GLT1D1: variants seen among roughly 807,000 people sequenced by gnomAD.
GLT1D1 encodes glycosyltransferase 1 domain containing 1, also known as glycosyltransferase 1 domain-containing protein 1.
A neutral mutation model predicts 28.7 loss-of-function variants in GLT1D1; 21 were observed. The observed-to-expected ratio is 0.73, with a 90% confidence interval of 0.52 to 1.05. The LOEUF is 1.05. Among genes scored for constraint, GLT1D1 ranks in the 50% least tolerant of loss-of-function variants. GLT1D1 has a pLI of 0.00. For synonymous variants in GLT1D1, 147 were observed against 124.8 expected (o/e 1.18, Z -1.19); for missense variants, 343 against 330.6 (o/e 1.04, Z -0.29).
intron 3 of GLT1D1, 139 bp from the exon 4 acceptor site, chr12:128,899,097 C>A (rs1267741003): frequency 3.0e-6 from 2 of 664,462 alleles, no homozygotes; most frequent in East Asian, 2.7e-5. Flanking sequence ...TGGCCAATGA[C>A]CACAAGTAAT....
intron 1 of GLT1D1, among the ~76,000 whole-genome samples, chr12:128,859,166 A>G (rs1318633516): frequency 6.6e-6 from 1 of 152,186 alleles, no homozygotes; most frequent in East Asian, 1.9e-4. Flanking sequence ...CTCAGAATAA[A>G]TCTCTTAATA....
chr12:128,874,090 TTCTTTCTTTCTCTCTC>T (rs1227269219), intron 1 of GLT1D1, among the ~76,000 whole-genome samples: 2 of 25,352 alleles, frequency 7.9e-5, no homozygotes, highest in Non-Finnish European at 1.4e-4. Flanking sequence ...CTTTCTTTCT[TTCTTTCTTTCTCTCTC>T]TCTCTCTCTC....
intron 4 of GLT1D1, among the ~76,000 whole-genome samples, chr12:128,907,855 T>C (rs1871047331): frequency 6.6e-6 from 1 of 152,212 alleles, no homozygotes; most frequent in South Asian, 2.1e-4. Flanking sequence ...CAAGTATTGT[T>C]TGTAATTCAT....
intron 3 of GLT1D1, among the ~76,000 whole-genome samples, chr12:128,888,980 T>C (rs571899231): frequency 5.9e-5 from 9 of 152,264 alleles, no homozygotes; most frequent in African/African-American, 2.2e-4. Flanking sequence ...TAAGCCTCTT[T>C]AGAATGGTCT....
At position 128,912,498 on chromosome 12, in the gene GLT1D1, G is replaced by T. The variant is rs773856215; in HGVS notation, c.375+13211G>T. On this transcript the variant is annotated intron_variant, in intron 4 of 7. Transcript: ENST00000281703. Reference sequence around the variant, plus strand: ...AAATATTTATTTACTTATGTACAGGGATAGAGAATGAATATATCAAAATAG... The same window carrying T: ...AAATATTTATTTACTTATGTACAGGTATAGAGAATGAATATATCAAAATAG... 3 of 1,111,274 alleles carry T rather than the reference G, an allele frequency of 2.7e-6. 1 individual carries two copies. The South Asian group carries it at 4.3e-5, about 16-fold the overall frequency. The allele number at this position is 1,111,274 out of a possible 1,614,324, so 68.8% of individuals were successfully genotyped here.
intron 2 of GLT1D1, among the ~76,000 whole-genome samples, chr12:128,886,708 C>G (rs1868426913): frequency 6.6e-6 from 1 of 151,972 alleles, no homozygotes; most frequent in Admixed American, 6.6e-5. Context: ...TTATGTTGAG[C>G]CTGCCTCGAT....
chr12:128,983,240 C>A lies in GLT1D1; in HGVS notation c.*150C>A, dbSNP rs1291984100. 4.5e-6 allele frequency: 3 copies of A among 660,708 alleles called. No homozygotes were observed. In the Admixed American group the frequency reaches 8.2e-5, roughly 18 times the overall value. 40.9% of individuals were successfully genotyped at this position (660,708 alleles called of 1,614,324 possible). A position where few individuals can be genotyped will look rare whatever the true frequency, so the allele number is the denominator to read the frequency against. ...AAATGTTAGTCGTGAGTCCCCAGAG[C>A]CACTGCATTCATCCCATATCCTTCT... On this transcript the variant is annotated 3_prime_UTR_variant, in exon 8 of 8. Coordinates refer to ENST00000281703, the MANE Select transcript of GLT1D1 (RefSeq NM_144669.3). The surrounding 1 kb of genome is among the most constrained non-coding windows in gnomAD (Gnocchi z 4.7).
At chr12:128,886,523 T>C (rs1211082462) in intron 2 of GLT1D1, among the ~76,000 whole-genome samples, 1 of 152,142 alleles carries the variant, frequency 6.6e-6, no homozygotes, top group Non-Finnish European at 1.5e-5. Flanking sequence ...CTGCGCTTCT[T>C]CCTGGAGGCT....
At chr12:128,903,012 A>G (rs1276437317) in intron 4 of GLT1D1, among the ~76,000 whole-genome samples, 3 of 145,652 alleles carry the variant, frequency 2.1e-5, no homozygotes, top group African/African-American at 7.7e-5. Context: ...CCACTGCAAG[A>G]CTCCGTCTCA....
chr12:128,983,428 A>C lies in GLT1D1; in HGVS notation c.*338A>C. ...GCTTTGGTGTGGACAATAGAGGCTT[A>C]TTTTCAAGCAGTCATGGTTCAGACT... On this transcript the variant is annotated 3_prime_UTR_variant, in exon 8 of 8. Coordinates refer to ENST00000281703, the MANE Select transcript of GLT1D1 (RefSeq NM_144669.3). The surrounding 1 kb of genome is among the most constrained non-coding windows in gnomAD (Gnocchi z 4.7). The C allele has an allele frequency of 4.7e-6, 1 of 211,514 alleles. No individual in the cohort carries two copies. Among genetic ancestry groups the C allele is most frequent in the Non-Finnish European group, 9.6e-6 (1 of 104,674 alleles). The allele number at this position is 211,514 out of a possible 1,614,324, so 13.1% of individuals were successfully genotyped here. A position where few individuals can be genotyped will look rare whatever the true frequency, so the allele number is the denominator to read the frequency against.
At chr12:128,868,511 G>A (rs1041874159) in intron 1 of GLT1D1, among the ~76,000 whole-genome samples, 1 of 148,418 alleles carries the variant, frequency 6.7e-6, no homozygotes, top group Non-Finnish European at 1.5e-5. Flanking sequence ...GCAGGCCTCC[G>A]GGAACTTCTG....
In GLT1D1 at chr12:128,983,400, A is replaced by G. The variant is rs1880520850; in HGVS notation, c.*310A>G. On this transcript the variant is annotated 3_prime_UTR_variant, in exon 8 of 8. Transcript: ENST00000281703. The surrounding 1 kb of genome is among the most constrained non-coding windows in gnomAD (Gnocchi z 4.7). The stretch of plus-strand genomic sequence containing the variant: ...GGGAGAGAATTTGATTACCTGCCTT[A>G]GGGCTTTGGTGTGGACAATAGAGGC... 9.3e-6 allele frequency: 3 copies of G among 321,788 alleles called. No homozygotes were observed. Among genetic ancestry groups the G allele is most frequent in the Admixed American group, 8.5e-5 (2 of 23,484 alleles). The allele number at this position is 321,788 out of a possible 1,614,324, so 19.9% of individuals were successfully genotyped here. A position where few individuals can be genotyped will look rare whatever the true frequency, so the allele number is the denominator to read the frequency against.
At chr12:128,898,781 A>C (rs528284510) in intron 3 of GLT1D1, among the ~76,000 whole-genome samples, 59 of 152,332 alleles carry the variant, frequency 3.9e-4, no homozygotes, top group African/African-American at 1.4e-3. Flanking sequence ...TTTCCTAAAG[A>C]AGCAATTGAA....
chr12:128,933,721 C>A (rs1156666549), intron 4 of GLT1D1, among the ~76,000 whole-genome samples: 1 of 152,138 alleles, frequency 6.6e-6, no homozygotes, highest in Non-Finnish European at 1.5e-5. Context: ...CCTGACCACC[C>A]AACTGAAACT....
chr12:128,930,330 C>CT (rs1364546901), intron 4 of GLT1D1: 1 of 152,204 alleles, frequency 6.6e-6, no homozygotes, highest in African/African-American at 2.4e-5. Context: ...ACAACAGTAT[C>CT]TAGAAGGCAT....
chr12:128,929,555 T>C (rs778779630), intron 4 of GLT1D1, among the ~76,000 whole-genome samples: 10 of 152,200 alleles, frequency 6.6e-5, no homozygotes, highest in Non-Finnish European at 1.3e-4. Context: ...TAGTTTTTTG[T>C]AGTTCCCTAG....
At chr12:128,889,787 C>T (rs1868828141) in intron 3 of GLT1D1, among the ~76,000 whole-genome samples, 1 of 152,176 alleles carries the variant, frequency 6.6e-6, no homozygotes, top group South Asian at 2.1e-4. Context: ...CTTCTCTTCT[C>T]TTTTCCTGAC....
At chr12:128,880,027 A>C (rs1956997985) in intron 2 of GLT1D1, among the ~76,000 whole-genome samples, 1 of 152,204 alleles carries the variant, frequency 6.6e-6, no homozygotes, top group African/African-American at 2.4e-5. Context: ...TGGAAATATA[A>C]ATTCCTAGGA....
intron 1 of GLT1D1, among the ~76,000 whole-genome samples, chr12:128,874,126 CTTTCTTTCTT>C (rs756271485): frequency 0.027 from 1,010 of 37,182 alleles, 10 homozygotes; most frequent in Non-Finnish European, 0.037. Context: ...CTCTCTCTCT[CTTTCTTTCTT>C]TCTTTCTTTC....
Sources: gnomAD v4.1 joint callset for allele counts (sites outside exome capture counted in the v4.1 genomes callset) on GRCh38, gnomAD v4.1.1 for gene constraint, Gnocchi (gnomAD v3.1) non-coding constraint, MANE v1.5 for transcripts, NCBI Gene and HGNC (gene_info 2026-07-23, HGNC 2026-07-21) for gene names.